The following POU6F2 variants were observed in gnomAD, a reference collection of about 807,000 sequenced individuals.
POU6F2 encodes the protein POU class 6 homeobox 2.
In POU6F2, 31 loss-of-function variants were observed where a neutral mutation model predicts 71.3. The observed-to-expected ratio is 0.43, with a 90% CI of 0.33 to 0.59. POU6F2 has a LOEUF of 0.59. POU6F2 is among the 20% of genes least tolerant of loss of function. The probability of loss-of-function intolerance (pLI) is 0.04; values close to 1 mark genes in which losing one functional copy is unlikely to be tolerated. For missense variants in POU6F2, 783 were observed against 856.8 expected (o/e 0.91, Z 1.07); for synonymous variants, 347 against 355.7 (o/e 0.98, Z 0.27).
chr7:39,037,279 T>C (rs1562680744), intron 1 of POU6F2, among the ~76,000 whole-genome samples: 1 of 152,188 alleles, frequency 6.6e-6, no homozygotes, highest in East Asian at 1.9e-4. Flanking sequence ...CCTTCATTTA[T>C]TTTCTTTTTT....
At chr7:39,003,370 G>A (rs1788966984) in intron 1 of POU6F2, among the ~76,000 whole-genome samples, 1 of 151,476 alleles carries the variant, frequency 6.6e-6, no homozygotes, top group Admixed American at 6.6e-5. Flanking sequence ...CTACTTTTAG[G>A]AAATACTCAG....
chr7:39,040,138 A>G (rs1276556365), intron 1 of POU6F2, among the ~76,000 whole-genome samples: 1 of 21,282 alleles, frequency 4.7e-5, no homozygotes, highest in South Asian at 2.5e-3. Flanking sequence ...ATATATATAA[A>G]TCCCAGATTG....
In POU6F2 at chr7:39,451,589, G is replaced by A. The variant is rs1788662972; in HGVS notation, c.1377G>A (p.Leu459=). Residue 459 remains leucine, a synonymous_variant, in exon 8 of 10, where the codon CTG becomes CTA. Transcript: ENST00000518318. ...VGQAASQGNL[L]HLAHSQASMS... is the part of the protein sequence containing the mutation. ...AAGCAGCCTCCCAAGGCAACCTTCT[G>A]CACCTGGCTCACAGCCAAGCATCCA... 3.1e-6 allele frequency: 5 copies of A among 1,613,690 alleles called. No individual in the cohort carries two copies. The highest frequency in any genetic ancestry group is 4.2e-6 in the Non-Finnish European group (5 of 1,179,772).
chr7:39,266,986 C>T (rs1019606528), intron 4 of POU6F2, among the ~76,000 whole-genome samples: 11 of 152,132 alleles, frequency 7.2e-5, no homozygotes. Context: ...TGACCAACCT[C>T]TTCCCCTGCG....
chr7:39,462,234 G>A (rs1788965939), intron 9 of POU6F2, among the ~76,000 whole-genome samples: 2 of 152,290 alleles, frequency 1.3e-5, no homozygotes, highest in East Asian at 1.9e-4. Flanking sequence ...TGGAGACTTT[G>A]GGAATTTCTA....
In POU6F2 at chr7:39,071,243, C is replaced by T. The variant is rs552608561; in HGVS notation, c.106-14617C>T. Among the ~76,000 whole-genome samples, 29 of 152,094 alleles carry T rather than the reference C, an allele frequency of 1.9e-4. No homozygotes were observed. The South Asian group carries it at 5.8e-3, about 31-fold the overall frequency. Reference sequence around the variant, plus strand: ...TTAGATTCTCACAAGGAATGGGCTACCGAGATCCCTCACACATGCAGTTCA... The same window carrying T: ...TTAGATTCTCACAAGGAATGGGCTATCGAGATCCCTCACACATGCAGTTCA... On this transcript the variant is annotated intron_variant, in intron 1 of 9. Transcript: ENST00000518318.
At chr7:39,132,640 A>G (rs1168417993) in intron 2 of POU6F2, 1 of 152,194 alleles carries the variant, frequency 6.6e-6, no homozygotes, top group Admixed American at 6.5e-5. Flanking sequence ...TTGGTCACAT[A>G]TTGATAGAAT....
intron 4 of POU6F2, among the ~76,000 whole-genome samples, chr7:39,257,202 G>T (rs923322558): frequency 1.3e-5 from 2 of 152,186 alleles, no homozygotes; most frequent in African/African-American, 4.8e-5. Context: ...GAAGGAAAAG[G>T]TGGAGACTTT....
chr7:39,427,757 T>A (rs916309176), intron 6 of POU6F2, among the ~76,000 whole-genome samples: 1 of 152,226 alleles, frequency 6.6e-6, no homozygotes, highest in Non-Finnish European at 1.5e-5. Flanking sequence ...TTCTTACGTA[T>A]ATGGGCAACA....
chr7:39,178,570 T>A (rs908207780), intron 2 of POU6F2, among the ~76,000 whole-genome samples: 1 of 152,240 alleles, frequency 6.6e-6, no homozygotes. Context: ...GTATTATTTT[T>A]AAATTTAATT....
At chr7:39,017,842 G>GTGTGTGTGTA (rs1554308534) in intron 1 of POU6F2, among the ~76,000 whole-genome samples, 2 of 150,528 alleles carry the variant, frequency 1.3e-5, no homozygotes, top group Admixed American at 6.6e-5. Context: ...GTGTGTGTGT[G>GTGTGTGTGTA]ATTTGAGTGG....
chr7:39,460,715 G>T lies in POU6F2; in HGVS notation c.1658G>T (p.Arg553Ile). The T allele has an allele frequency of 6.3e-7, 1 of 1,591,944 alleles. No homozygotes were observed. Among genetic ancestry groups the T allele is most frequent in the Non-Finnish European group, 8.6e-7 (1 of 1,168,370 alleles). Residue 553 changes from arginine to isoleucine, a missense_variant and splice_region_variant, in exon 9 of 10, where the codon AGA becomes ATA. Physicochemically the swap from Arg to Ile is moderately conservative, Grantham distance 97 (BLOSUM62 -3). Around this residue, in one of 2 missense-constraint regions of POU6F2, gnomAD observed 211 missense variants for 283.9 expected, o/e 0.74. Transcript: ENST00000518318. The surrounding 1 kb of genome is among the most constrained non-coding windows in gnomAD (Gnocchi z 4.4). The stretch of plus-strand genomic sequence containing the variant: ...GCGTACAGCCAGTCGGCCATCTGCA[G>T]GTAACGCGCGCCTGCATGCTGTCAC... Reference protein sequence around the residue: ...GPAYSQSAICRHTILRSHFFL... With the variant: ...GPAYSQSAICIHTILRSHFFL...
chr7:39,235,482 G>A (rs751035879), intron 4 of POU6F2, among the ~76,000 whole-genome samples: 2 of 152,052 alleles, frequency 1.3e-5, no homozygotes, highest in African/African-American at 2.4e-5. Flanking sequence ...CTTCACCACC[G>A]GGCCACCCTG....
intron 1 of POU6F2, chr7:39,006,654 T>C: frequency 1.7e-6 from 1 of 588,284 alleles, no homozygotes; most frequent in South Asian, 2.3e-5. Context: ...CCTAGTTGTT[T>C]AGTGTTCTGT....
chr7:39,160,207 A>G (rs1444177307), intron 2 of POU6F2, among the ~76,000 whole-genome samples: 10 of 152,206 alleles, frequency 6.6e-5, no homozygotes, highest in African/African-American at 2.2e-4. Flanking sequence ...ACTGAATGCT[A>G]GTTATTAAAA....
intron 2 of POU6F2, among the ~76,000 whole-genome samples, chr7:39,191,325 T>G (rs1373493299): frequency 6.6e-6 from 1 of 152,218 alleles, no homozygotes; most frequent in Non-Finnish European, 1.5e-5. Context: ...ATGACATCTA[T>G]TTTTAAACTA....
chr7:39,372,158 C>A (rs184990822), intron 5 of POU6F2, among the ~76,000 whole-genome samples: 341 of 152,260 alleles, frequency 2.2e-3, no homozygotes, highest in African/African-American at 7.8e-3. Flanking sequence ...TGGTCTGAAG[C>A]AGTCCTCTGG....
At chr7:39,316,432 C>T (rs1249496784) in intron 4 of POU6F2, among the ~76,000 whole-genome samples, 1 of 152,174 alleles carries the variant, frequency 6.6e-6, no homozygotes, top group Admixed American at 6.5e-5. Flanking sequence ...GTTTGGACCT[C>T]AGGCAGTGTG....
chr7:39,227,491 C>T (rs929048507), intron 4 of POU6F2, among the ~76,000 whole-genome samples: 1 of 151,812 alleles, frequency 6.6e-6, no homozygotes, highest in Admixed American at 6.6e-5. Flanking sequence ...AAGAGCAACT[C>T]CTAGGCCCCT....
Sources: gnomAD v4.1 joint callset for allele counts (sites outside exome capture counted in the v4.1 genomes callset) on GRCh38, gnomAD v4.1.1 for gene constraint, gnomAD v4.1.1 regional missense constraint, Gnocchi (gnomAD v3.1) non-coding constraint, MANE v1.5 for transcripts, NCBI Gene and HGNC (gene_info 2026-07-23, HGNC 2026-07-21) for gene names.